SFT2D1: variants seen among roughly 807,000 people sequenced by gnomAD.
SFT2D1 encodes SFT2 domain containing 1, also known as vesicle transport protein SFT2A.
A neutral mutation model predicts 28.1 loss-of-function variants in SFT2D1; 24 were observed. That is an observed-to-expected ratio of 0.85 (90% CI 0.62 to 1.20). SFT2D1 has a LOEUF of 1.20. Among genes scored for constraint, SFT2D1 ranks in the 50% most tolerant of loss-of-function variants. SFT2D1 has a pLI of 0.00. For missense variants in SFT2D1, 181 were observed against 190.9 expected, an observed-to-expected ratio of 0.95 and a Z score of 0.31; for synonymous variants, 82 against 73.7, an observed-to-expected ratio of 1.11 and a Z score of -0.58.
In SFT2D1 at chr6:166,330,196, T is replaced by C. The variant is rs1332955660; in HGVS notation, c.115A>G (p.Ile39Val). 1.2e-6 allele frequency: 2 copies of C among 1,607,112 alleles called. No homozygotes were observed. The highest frequency in any genetic ancestry group is 3.4e-5 in the Admixed American group (2 of 58,066). Residue 39 changes from isoleucine (I) to valine (V), a missense_variant, in exon 2 of 8, where the codon ATC becomes GTC. Ile to Val is a conservative substitution (Grantham distance 29, BLOSUM62 3). Transcript: ENST00000361731. ...AAGAAAACGCCACATACGAAGCAGATGGCAAACCATTTCAATCTGGTGTTG... is the reference window on the plus strand; with the variant it reads ...AAGAAAACGCCACATACGAAGCAGACGGCAAACCATTTCAATCTGGTGTTG... Reference protein sequence around the residue: ...SFNTRLKWFAICFVCGVFFSI... With the variant: ...SFNTRLKWFAVCFVCGVFFSI...
intron 6 of SFT2D1, 92 bp downstream of exon 6, chr6:166,324,445 A>T: frequency 7.8e-7 from 1 of 1,280,252 alleles, no homozygotes; most frequent in Non-Finnish European, 1.1e-6. Context: ...CCAAAACACC[A>T]GACGAAATGC....
rs1297756044 is a variant in SFT2D1, at chr6:166,324,392, T to C, written c.410+145A>G. The C allele has an allele frequency of 1.4e-5, 9 of 663,342 alleles. No individual in the cohort carries two copies. In the East Asian group the frequency reaches 2.2e-4, roughly 16 times the overall value. 41.1% of individuals were successfully genotyped at this position (663,342 alleles called of 1,614,324 possible). A position where few individuals can be genotyped will look rare whatever the true frequency, so the allele number is the denominator to read the frequency against. ...ACGCTGTCAAGTGCAACAGGACTCA[T>C]CGCAGACCTCCCCTCCTCTGACCCT... On this transcript the variant is annotated intron_variant, in intron 6 of 7. Coordinates refer to ENST00000361731, the MANE Select transcript of SFT2D1 (RefSeq NM_145169.3).
At chr6:166,342,208 G>T (rs555816685) in intron 1 of SFT2D1, among the ~76,000 whole-genome samples, 1 of 152,078 alleles carries the variant, frequency 6.6e-6, no homozygotes, top group South Asian at 2.1e-4. Context: ...GTCGGGGGGG[G>T]GCCTCAAAGT....
At chr6:166,320,337 CT>C (rs35469708) in intron 7 of SFT2D1, 81 bp from the exon 8 acceptor site, 7 of 1,153,330 alleles carry the variant, frequency 6.1e-6, no homozygotes, top group African/African-American at 1.6e-5. Flanking sequence ...GCTAAATCAC[CT>C]TTTTTAACAG....
At chr6:166,329,676 C>A in intron 2 of SFT2D1, 87 bp from the exon 3 acceptor site, 1 of 982,934 alleles carries the variant, frequency 1.0e-6, no homozygotes, top group Non-Finnish European at 1.5e-6. Context: ...AATACAATAC[C>A]AATATTATGT....
intron 1 of SFT2D1, among the ~76,000 whole-genome samples, chr6:166,338,297 C>G (rs1778699161): frequency 6.6e-6 from 1 of 152,150 alleles, no homozygotes; most frequent in Non-Finnish European, 1.5e-5. Context: ...TACCCAAATC[C>G]AAACAACTCA....
intron 1 of SFT2D1, chr6:166,334,836 G>T: frequency 2.3e-6 from 1 of 428,078 alleles, no homozygotes; most frequent in Non-Finnish European, 4.5e-6. Flanking sequence ...GAAGAGTTGT[G>T]GAACCAAAGG....
At chr6:166,331,008 T>C (rs1031669511) in intron 1 of SFT2D1, among the ~76,000 whole-genome samples, 1 of 152,232 alleles carries the variant, frequency 6.6e-6, no homozygotes, top group African/African-American at 2.4e-5. Context: ...TGATCATTTA[T>C]TCTAGAGCAA....
intron 7 of SFT2D1, 81 bp from the exon 8 acceptor site, chr6:166,320,337 C>CT (rs35469708): frequency 4.3e-6 from 5 of 1,153,278 alleles, no homozygotes; most frequent in Admixed American, 2.1e-5. Context: ...GCTAAATCAC[C>CT]TTTTTTAACA....
intron 1 of SFT2D1, among the ~76,000 whole-genome samples, chr6:166,338,326 A>G (rs1184040682): frequency 6.6e-6 from 1 of 152,186 alleles, no homozygotes; most frequent in Non-Finnish European, 1.5e-5. Flanking sequence ...TTTGTTCAAC[A>G]AGTAGTTATG....
At chr6:166,321,314 T>C (rs901630987) in intron 7 of SFT2D1, among the ~76,000 whole-genome samples, 7 of 152,172 alleles carry the variant, frequency 4.6e-5, no homozygotes, top group African/African-American at 1.4e-4. Context: ...AATCTGTACA[T>C]TGCTTATTGC....
At position 166,342,433 on chromosome 6, in the gene SFT2D1, C is replaced by T. The variant is rs1187934762; in HGVS notation, c.49G>A (p.Gly17Ser). The T allele has an allele frequency of 8.3e-6, 13 of 1,560,892 alleles. No homozygotes were observed. The highest frequency in any genetic ancestry group is 1.1e-5 in the Non-Finnish European group (13 of 1,153,260). The change falls in exon 1 of 8, where the codon GGC becomes AGC. Residue 17 changes from glycine (G) to serine (S), a missense_variant. Gly to Ser is a moderately conservative substitution (Grantham distance 56). Coordinates refer to ENST00000361731, the MANE Select transcript of SFT2D1 (RefSeq NM_145169.3). ...AAGTTCGCTACCTGCGCAGTCAGGCCCTGCTCCTCGTCGTCCTGGCCGCTC... is the reference window on the plus strand; with the variant it reads ...AAGTTCGCTACCTGCGCAGTCAGGCTCTGCTCCTCGTCGTCCTGGCCGCTC... The part of the protein sequence containing the change: ...VLSGQDDEEQ[G>S]LTAQVLDASS...
chr6:166,335,455 A>T lies in SFT2D1; in HGVS notation c.64-5208T>A, dbSNP rs545345908. The T allele has an allele frequency of 2.6e-3, 1,404 of 543,332 alleles. 7 individuals carry two copies. Among genetic ancestry groups the T allele is most frequent in the Middle Eastern group, 5.5e-3 (9 of 1,646 alleles). 33.7% of individuals were successfully genotyped at this position (543,332 alleles called of 1,614,324 possible). Reference sequence around the variant, plus strand: ...GAAGCTCTGGCCCTTATGGTGGTGGAGAACAATACTTTGCCAAATTTTACT... The same window carrying T: ...GAAGCTCTGGCCCTTATGGTGGTGGTGAACAATACTTTGCCAAATTTTACT... On this transcript the variant is annotated intron_variant, in intron 1 of 7. Transcript: ENST00000361731.
rs143696724 is a variant in SFT2D1, at chr6:166,325,514, A to C, written c.351+618T>G. ...TTAACCTTCTCCACAGGGTAGGAGA[A>C]TGATTTCAGTTCCTCTCTTTGTTGT... is the stretch of plus-strand genomic sequence containing the variant. On this transcript the variant is annotated intron_variant, in intron 5 of 7. Transcript: ENST00000361731. 5.2e-3 allele frequency among the ~76,000 whole-genome samples: 789 copies of C among 152,350 alleles called. 1 individual carries two copies. The highest frequency in any genetic ancestry group is 0.014 in the Middle Eastern group (4 of 294).
At chr6:166,323,314 G>GA in intron 6 of SFT2D1, 2 of 155,742 alleles carry the variant, frequency 1.3e-5, no homozygotes, top group Admixed American at 6.5e-5. Context: ...ACATATCAGT[G>GA]AAAAAAAGTA....
chr6:166,336,371 A>G lies in SFT2D1; in HGVS notation c.63+6048T>C, dbSNP rs182709590. On this transcript the variant is annotated intron_variant, in intron 1 of 7. Transcript: ENST00000361731. ...TGATTGTTGGCACATCCCATGCAAT[A>G]TATCTAAACTGAATAATGGTACCAG... Among the ~76,000 whole-genome samples the G allele has an allele frequency of 2.8e-4, 42 of 152,340 alleles. No homozygotes were observed. The East Asian group carries it at 7.1e-3, about 26-fold the overall frequency.
At chr6:166,337,437 C>A (rs1428886094) in intron 1 of SFT2D1, among the ~76,000 whole-genome samples, 2 of 152,188 alleles carry the variant, frequency 1.3e-5, no homozygotes, top group African/African-American at 4.8e-5. Context: ...CTCCTGCTTA[C>A]AATGTTCTCT....
chr6:166,328,013 G>T (rs1186334194), intron 4 of SFT2D1, among the ~76,000 whole-genome samples: 1 of 151,994 alleles, frequency 6.6e-6, no homozygotes, highest in Non-Finnish European at 1.5e-5. Flanking sequence ...GGTCAGGCTG[G>T]TCTTGAACTC....
Position 166,342,413 on chromosome 6 carries a change from C to T in SFT2D1, c.63+6G>A. The T allele has an allele frequency of 6.4e-7, 1 of 1,553,398 alleles. No homozygotes were observed. The highest frequency in any genetic ancestry group is 1.2e-5 in the South Asian group (1 of 84,286). On this transcript the variant is annotated splice_donor_region_variant and intron_variant, in intron 1 of 7. Transcript: ENST00000361731. ...CCGGGACTGGACGAGGGCGCAAGTT[C>T]GCTACCTGCGCAGTCAGGCCCTGCT... is the stretch of plus-strand genomic sequence containing the variant.
Sources: allele counts gnomAD v4.1 joint callset (sites outside exome capture counted in the v4.1 genomes callset), GRCh38; gene constraint gnomAD v4.1.1; transcripts MANE v1.5; gene names NCBI Gene and HGNC (gene_info 2026-07-23, HGNC 2026-07-21).